The following CNOT2 variants were observed in gnomAD, a reference collection of about 807,000 sequenced individuals.
CNOT2 encodes CC chemokine receptor 4-negative regulator of transcription 2.
In CNOT2, 7 loss-of-function variants were observed where a neutral mutation model predicts 72.1. The ratio of observed to expected loss-of-function variants is 0.10; its 90% CI spans 0.06 to 0.18. The LOEUF (loss-of-function observed/expected upper bound fraction) is 0.18. CNOT2 is among the 10% of genes least tolerant of loss of function. The pLI, the probability that CNOT2 is intolerant of heterozygous loss-of-function variation, is 1.00. For synonymous variants in CNOT2, 196 were observed against 225.6 expected (o/e 0.87, Z 1.17); for missense variants, 345 against 660.3 (o/e 0.52, Z 5.23).
intron 2 of CNOT2, among the ~76,000 whole-genome samples, chr12:70,300,610 T>C (rs1025294487): frequency 2.0e-5 from 3 of 152,226 alleles, no homozygotes; most frequent in Non-Finnish European, 4.4e-5. Context: ...CCATGCTGTT[T>C]TGGTTACTGT....
chr12:70,314,462 A>G (rs954520652), intron 3 of CNOT2, among the ~76,000 whole-genome samples: 1 of 152,154 alleles, frequency 6.6e-6, no homozygotes, highest in African/African-American at 2.4e-5. Flanking sequence ...TGTAATTAAG[A>G]CAGACTGTAG....
chr12:70,261,720 A>G (rs535781368), intron 1 of CNOT2, among the ~76,000 whole-genome samples: 1 of 152,108 alleles, frequency 6.6e-6, no homozygotes, highest in Non-Finnish European at 1.5e-5. Context: ...AAAATGAATT[A>G]GGAAATGTTC....
At position 70,317,465 on chromosome 12, in the gene CNOT2, A is replaced by C. The variant is rs150414821; in HGVS notation, c.172-1833A>C. 3.2e-3 allele frequency among the ~76,000 whole-genome samples: 481 copies of C among 152,120 alleles called. 5 individuals carry two copies. Among genetic ancestry groups the C allele is most frequent in the African/African-American group, 0.011 (440 of 41,540 alleles). ...GCAGTAACAGTAATCTATAATACCT[A>C]AGAAAAGAACTTATCAGGCATCTTT... On this transcript the variant is annotated intron_variant, in intron 3 of 15. Transcript: ENST00000229195.
intron 1 of CNOT2, among the ~76,000 whole-genome samples, chr12:70,262,932 C>CA (rs1958851336): frequency 1.3e-5 from 2 of 151,862 alleles, no homozygotes; most frequent in African/African-American, 4.8e-5. Context: ...CTCGGCCTCT[C>CA]AAAGTACTGA....
chr12:70,313,641 T>C (rs1267644848), intron 3 of CNOT2, among the ~76,000 whole-genome samples: 1 of 152,098 alleles, frequency 6.6e-6, no homozygotes, highest in Non-Finnish European at 1.5e-5. Context: ...AACCAGATAG[T>C]AACTATTTTA....
chr12:70,323,537 T>G (rs967061858), intron 4 of CNOT2: 3 of 151,776 alleles, frequency 2.0e-5, no homozygotes, highest in African/African-American at 7.3e-5. Context: ...GGAAAATGAT[T>G]AGGAAAAGAA....
chr12:70,313,239 T>C (rs960691308), intron 3 of CNOT2, among the ~76,000 whole-genome samples: 3 of 152,020 alleles, frequency 2.0e-5, no homozygotes, highest in Admixed American at 1.3e-4. Flanking sequence ...TATTTCTCTA[T>C]TGAGATCTTA....
At chr12:70,312,496 A>G (rs546467272) in intron 3 of CNOT2, among the ~76,000 whole-genome samples, 39 of 152,028 alleles carry the variant, frequency 2.6e-4, no homozygotes, top group Non-Finnish European at 5.5e-4. Flanking sequence ...TCTCAAAAGC[A>G]GAAATACTAT....
intron 4 of CNOT2, chr12:70,321,538 G>A (rs1878296645): frequency 6.6e-6 from 1 of 151,874 alleles, no homozygotes. Context: ...GGTGAGTGTA[G>A]ATTAGAGATA....
intron 15 of CNOT2, among the ~76,000 whole-genome samples, chr12:70,351,757 G>C (rs1882892151): frequency 6.6e-6 from 1 of 152,088 alleles, no homozygotes; most frequent in South Asian, 2.1e-4. Context: ...AATTTCAGAA[G>C]AATGATAACA....
intron 11 of CNOT2, among the ~76,000 whole-genome samples, chr12:70,341,025 G>A (rs1210569300): frequency 6.6e-6 from 1 of 151,552 alleles, no homozygotes; most frequent in Non-Finnish European, 1.5e-5. Context: ...TGGGATTGCA[G>A]GCATGTGCCA....
At chr12:70,286,218 AGGTCTTCTAGGAATGTATTTG>A (rs1870870472) in intron 2 of CNOT2, among the ~76,000 whole-genome samples, 1 of 149,220 alleles carries the variant, frequency 6.7e-6, no homozygotes, top group South Asian at 2.2e-4. Flanking sequence ...CATTCCTAAG[AGGTCTTCTAGGAATGTATTTG>A]GGAGTGTTTA....
chr12:70,292,424 A>G (rs1341707854), intron 2 of CNOT2, among the ~76,000 whole-genome samples: 1 of 152,236 alleles, frequency 6.6e-6, no homozygotes, highest in African/African-American at 2.4e-5. Context: ...TTGTAATTTT[A>G]AATACACAAG....
At chr12:70,257,780 T>G (rs1958534258) in intron 1 of CNOT2, among the ~76,000 whole-genome samples, 1 of 152,168 alleles carries the variant, frequency 6.6e-6, no homozygotes, top group African/African-American at 2.4e-5. Flanking sequence ...TAGGGACAAG[T>G]TCAGTCTAGT....
chr12:70,349,806 C>G (rs1593297459), intron 15 of CNOT2, among the ~76,000 whole-genome samples: 1 of 151,730 alleles, frequency 6.6e-6, no homozygotes, highest in African/African-American at 2.4e-5. Flanking sequence ...TTAAGATCAG[C>G]CTGGGCAACA....
At chr12:70,251,548 A>G (rs71454273) in intron 1 of CNOT2, among the ~76,000 whole-genome samples, 14,139 of 147,470 alleles carry the variant, frequency 0.096, 841 homozygotes, top group Non-Finnish European at 0.14. Context: ...TTAGGAGGGG[A>G]AAAAAAAGCC....
chr12:70,335,621 T>C, intron 8 of CNOT2, 58 bp downstream of exon 8: 2 of 1,332,690 alleles, frequency 1.5e-6, no homozygotes, highest in Non-Finnish European at 2.2e-6. Context: ...TGCACACACA[T>C]ATACATTTAC....
chr12:70,337,278 T>A, intron 8 of CNOT2, 111 bp from the exon 9 acceptor site: 12 of 832,942 alleles, frequency 1.4e-5, no homozygotes, highest in Non-Finnish European at 2.0e-5. Flanking sequence ...TTCATAGCAT[T>A]AAAAAAAAGA....
At chr12:70,291,626 G>A (rs1871916898) in intron 2 of CNOT2, among the ~76,000 whole-genome samples, 1 of 152,162 alleles carries the variant, frequency 6.6e-6, no homozygotes, top group Admixed American at 6.5e-5. Flanking sequence ...GAGAAGGAAA[G>A]TAGAAAATTA....
Sources: allele counts gnomAD v4.1 joint callset (sites outside exome capture counted in the v4.1 genomes callset), GRCh38; gene constraint gnomAD v4.1.1; transcripts MANE v1.5; gene names NCBI Gene and HGNC (gene_info 2026-07-23, HGNC 2026-07-21).